Variants in RCHY1 observed in about 807,000 individuals in gnomAD.
The protein encoded by RCHY1 is RING finger and CHY zinc finger domain-containing protein 1.
Under a neutral mutation model 41.6 loss-of-function variants are expected in RCHY1, and 21 were observed. The observed-to-expected ratio is 0.51, with a 90% CI of 0.36 to 0.73. RCHY1 has a LOEUF of 0.73. RCHY1 is among the 30% of genes least tolerant of loss of function. RCHY1 has a pLI of 0.00. For missense variants in RCHY1, 265 were observed against 325.3 expected (o/e 0.81, Z 1.43); for synonymous variants, 79 against 102.9 (o/e 0.77, Z 1.41).
At chr4:75,488,237 A>G (rs1191475733) in intron 8 of RCHY1, among the ~76,000 whole-genome samples, 2 of 152,014 alleles carry the variant, frequency 1.3e-5, no homozygotes, top group Non-Finnish European at 2.9e-5. Flanking sequence ...GTGTTATTGC[A>G]GGCCACAGAA....
At chr4:75,507,492 G>A (rs959601090) in intron 3 of RCHY1, among the ~76,000 whole-genome samples, 8 of 151,934 alleles carry the variant, frequency 5.3e-5, no homozygotes, top group East Asian at 1.9e-4. Context: ...ATTGAAACAC[G>A]AACATATCCT....
At chr4:75,505,181 G>A (rs956769593) in intron 3 of RCHY1, among the ~76,000 whole-genome samples, 3 of 152,058 alleles carry the variant, frequency 2.0e-5, no homozygotes, top group East Asian at 1.9e-4. Context: ...TCACAATAGG[G>A]TTTGTGCTCC....
In RCHY1 at chr4:75,488,168, A is replaced by G. The variant is rs563895870; in HGVS notation, c.657+2413T>C. Among the ~76,000 whole-genome samples the G allele has an allele frequency of 9.2e-5, 14 of 152,082 alleles. No individual in the cohort carries two copies. The East Asian group carries it at 2.7e-3, about 29-fold the overall frequency. On this transcript the variant is annotated intron_variant, in intron 8 of 8. Transcript: ENST00000324439. ...TTATTAAGATTTATTCCAAAATTAT[A>G]TGAGATTCTAAAATTCTTTATGTCG... is the stretch of plus-strand genomic sequence containing the variant.
Position 75,494,153 on chromosome 4 carries a change from T to C in RCHY1, c.353A>G (p.His118Arg). The stretch of plus-strand genomic sequence containing the variant: ...TAGGCATAAGTTACATTTCAAACAA[T>C]GGAAAAAATCTTCCTTTGGACCAAT... ...CRIGPKEDFF[H>R]CLKCNLCLAM... The change falls in exon 4 of 9, where the codon CAT becomes CGT. Residue 118 changes from histidine to arginine, a missense_variant. Transcript: ENST00000324439. 1.9e-6 allele frequency: 3 copies of C among 1,566,640 alleles called. No homozygotes were observed. The highest frequency in any genetic ancestry group is 2.6e-6 in the Non-Finnish European group (3 of 1,162,936).
intron 1 of RCHY1, among the ~76,000 whole-genome samples, chr4:75,511,832 T>C (rs1363900685): frequency 6.6e-6 from 1 of 151,070 alleles, no homozygotes; most frequent in Non-Finnish European, 1.5e-5. Flanking sequence ...AAAACAAATA[T>C]CTTAGTGTTC....
At chr4:75,503,706 TA>T (rs1293175146) in intron 3 of RCHY1, among the ~76,000 whole-genome samples, 15 of 148,082 alleles carry the variant, frequency 1.0e-4, no homozygotes, top group South Asian at 4.3e-4. Flanking sequence ...AAAAATTAAT[TA>T]AAAAAAAAAA....
chr4:75,500,183 C>G (rs892671645), intron 3 of RCHY1, among the ~76,000 whole-genome samples: 3 of 152,116 alleles, frequency 2.0e-5, no homozygotes, highest in Non-Finnish European at 4.4e-5. Context: ...CCCAATTAGC[C>G]TGATTTGATT....
chr4:75,514,427 G>A (rs1725346959), upstream of RCHY1: 2 of 957,734 alleles, frequency 2.1e-6, no homozygotes, highest in Non-Finnish European at 3.0e-6. Context: ...GTGACCCGGG[G>A]CAGACGGATT....
intron 1 of RCHY1, 133 bp from the exon 2 acceptor site, chr4:75,509,429 T>C: frequency 1.4e-6 from 1 of 713,158 alleles, no homozygotes; most frequent in Non-Finnish European, 2.3e-6. Flanking sequence ...GTTGCTAAAC[T>C]GATCCTAAAC....
chr4:75,488,487 G>A (rs929119463), intron 8 of RCHY1, among the ~76,000 whole-genome samples: 85 of 152,066 alleles, frequency 5.6e-4, no homozygotes, highest in African/African-American at 1.9e-3. Context: ...GAACTCTAAT[G>A]GAGAGACTGA....
chr4:75,514,115 A>G, intron 1 of RCHY1, 82 bp downstream of exon 1: 5 of 1,545,452 alleles, frequency 3.2e-6, no homozygotes, highest in Non-Finnish European at 4.4e-6. Context: ...TCAAACTTAA[A>G]TCCAAGCCTA....
At chr4:75,490,521 G>C in intron 8 of RCHY1, 60 bp downstream of exon 8, 1 of 1,443,220 alleles carries the variant, frequency 6.9e-7, no homozygotes, top group South Asian at 1.4e-5. Context: ...TCAAGCAGGA[G>C]GGCAAAAATA....
Position 75,490,714 on chromosome 4 carries a change from G to C in RCHY1, c.537-13C>G, listed in dbSNP as rs374834456. ...ACATCTGTAGCCTCTGAAAGAGATA[G>C]AAAGGTTATTTTCCAAATATTAAAC... On this transcript the variant is annotated splice_polypyrimidine_tract_variant and intron_variant, in intron 7 of 8. Transcript: ENST00000324439. 5.9e-5 allele frequency: 93 copies of C among 1,588,918 alleles called. No individual in the cohort carries two copies. The highest frequency in any genetic ancestry group is 2.1e-4 in the Admixed American group (12 of 56,390).
chr4:75,504,526 T>C (rs1188726299), intron 3 of RCHY1, among the ~76,000 whole-genome samples: 2 of 152,232 alleles, frequency 1.3e-5, no homozygotes, highest in East Asian at 1.9e-4. Flanking sequence ...ACATATAACA[T>C]ACAAAATATG....
chr4:75,498,478 G>A (rs1351412388), intron 3 of RCHY1, among the ~76,000 whole-genome samples: 1 of 107,880 alleles, frequency 9.3e-6, no homozygotes. Flanking sequence ...AAGCAATCCT[G>A]AGCAAAAAAA....
upstream of RCHY1, chr4:75,514,683 C>G (rs1476042248): frequency 5.9e-6 from 1 of 169,448 alleles, no homozygotes; most frequent in Admixed American, 6.1e-5. Flanking sequence ...TCCTCCCTCT[C>G]TCCCTCCGGT....
intron 8 of RCHY1, among the ~76,000 whole-genome samples, chr4:75,486,883 G>GCTC: frequency 6.6e-6 from 1 of 152,110 alleles, no homozygotes. Flanking sequence ...GGAGGCTGAG[G>GCTC]CAGAAGAATT....
At position 75,504,906 on chromosome 4, in the gene RCHY1, G is replaced by A. The variant is rs376860837; in HGVS notation, c.326+3914C>T. ...CCATTATACTTAAATGGTAAATGGCGATGACTAATTTTTCTAGTATATTCA... is the reference window on the plus strand; with the variant it reads ...CCATTATACTTAAATGGTAAATGGCAATGACTAATTTTTCTAGTATATTCA... On this transcript the variant is annotated intron_variant, in intron 3 of 8. Coordinates refer to ENST00000324439, the MANE Select transcript of RCHY1 (RefSeq NM_015436.4). Among the ~76,000 whole-genome samples the A allele has an allele frequency of 4.5e-4, 69 of 152,202 alleles. 1 individual carries two copies. The highest frequency in any genetic ancestry group is 3.4e-3 in the Middle Eastern group (1 of 294).
rs758946669 is a variant in RCHY1, at chr4:75,491,794, A to G, written c.451-12T>C. The G allele has an allele frequency of 5.0e-6, 8 of 1,612,374 alleles. No individual in the cohort carries two copies. The South Asian group carries it at 8.8e-5, about 18-fold the overall frequency. On this transcript the variant is annotated splice_polypyrimidine_tract_variant and intron_variant, in intron 5 of 8. Coordinates refer to ENST00000324439, the MANE Select transcript of RCHY1 (RefSeq NM_015436.4). ...GATGTGTGAATGTCCTGTAAATGAAATAAATGTTAGTGCTTGTATGAAGAC... is the reference window on the plus strand; with the variant it reads ...GATGTGTGAATGTCCTGTAAATGAAGTAAATGTTAGTGCTTGTATGAAGAC...
Sources: gnomAD v4.1 joint callset for allele counts (sites outside exome capture counted in the v4.1 genomes callset) on GRCh38, gnomAD v4.1.1 for gene constraint, MANE v1.5 for transcripts, NCBI Gene and HGNC (gene_info 2026-07-23, HGNC 2026-07-21) for gene names.